ING1: variants seen among roughly 807,000 people sequenced by gnomAD.
ING1 encodes inhibitor of growth family member 1, also known as inhibitor of growth protein 1.
In ING1, 4 loss-of-function variants were observed where a neutral mutation model predicts 23.1. The ratio of observed to expected loss-of-function variants is 0.17; its 90% confidence interval spans 0.09 to 0.40. The LOEUF (loss-of-function observed/expected upper bound fraction) is 0.40. Among genes scored for constraint, ING1 ranks in the 10% least tolerant of loss-of-function variants. The pLI, the probability that ING1 is intolerant of heterozygous loss-of-function variation, is 1.00. For synonymous variants in ING1, 179 were observed against 166.4 expected (o/e 1.08, Z -0.58); for missense variants, 256 against 393.8 (o/e 0.65, Z 2.96).
At chr13:110,718,591 C>A (rs1285567944) in intron 1 of ING1, among the ~76,000 whole-genome samples, 2 of 152,066 alleles carry the variant, frequency 1.3e-5, no homozygotes, top group Non-Finnish European at 2.9e-5. Context: ...TAACCCGGTT[C>A]TTTAAATCAT....
rs2064162481 is a variant in ING1, at chr13:110,720,377, T to C, written c.*445T>C. 6.0e-6 allele frequency: 1 copy of C among 167,362 alleles called. No homozygotes were observed. The highest frequency in any genetic ancestry group is 2.4e-5 in the African/African-American group (1 of 41,470). The allele number at this position is 167,362 out of a possible 1,614,324, so 10.4% of individuals were successfully genotyped here. On this transcript the variant is annotated 3_prime_UTR_variant, in exon 2 of 2. Coordinates refer to ENST00000333219, the MANE Select transcript of ING1 (RefSeq NM_198219.3). Reference sequence around the variant, plus strand: ...GTGTTTCTTGCTGCCATGATGTATATCCATATAACAATTCAGTAACAAAGG... The same window carrying C: ...GTGTTTCTTGCTGCCATGATGTATACCCATATAACAATTCAGTAACAAAGG...
At chr13:110,714,422 G>C in intron 1 of ING1, 137 bp downstream of exon 1, 2 of 803,004 alleles carry the variant, frequency 2.5e-6, no homozygotes, top group Non-Finnish European at 3.4e-6. Flanking sequence ...GCAGGGGCAG[G>C]AACAAAAGGT....
At position 110,714,137 on chromosome 13, in the gene ING1, T is replaced by A; in HGVS notation, c.-13T>A. On this transcript the variant is annotated 5_prime_UTR_variant, in exon 1 of 2. Transcript: ENST00000333219. ...AAGCCGCGCCGAGTCGCCGGGGACC[T>A]CCGGGGTGAACCATGTTGAGTCCTG... 6.6e-7 allele frequency: 1 copy of A among 1,523,158 alleles called. No individual in the cohort carries two copies. The highest frequency in any genetic ancestry group is 8.8e-7 in the Non-Finnish European group (1 of 1,134,350). 94.4% of individuals were successfully genotyped at this position (1,523,158 alleles called of 1,614,324 possible).
At chr13:110,713,543 C>T (rs536248412), upstream of ING1, 6 of 986,104 alleles carry the variant, frequency 6.1e-6, no homozygotes, top group South Asian at 1.8e-4. Context: ...GCCACGCCCC[C>T]GCGAGGGCCG....
rs772194590 is a variant in ING1 at position 110,722,728 on chromosome 13, G to C, written c.*2796G>C. The C allele has an allele frequency of 6.6e-6, 1 of 152,130 alleles. No homozygotes were observed. The highest frequency in any genetic ancestry group is 1.5e-5 in the Non-Finnish European group (1 of 68,038). 9.4% of individuals were successfully genotyped at this position (152,130 alleles called of 1,614,324 possible). A position where few individuals can be genotyped will look rare whatever the true frequency, so the allele number is the denominator to read the frequency against. ...TTTCTTCAAGTTTCTCATAAGGACA[G>C]GTGGGTAGCCACTTATTCTTTAAAA... On this transcript the variant is annotated 3_prime_UTR_variant, in exon 2 of 2. Transcript: ENST00000333219.
At chr13:110,718,249 G>A (rs941810124) in intron 1 of ING1, among the ~76,000 whole-genome samples, 6 of 152,146 alleles carry the variant, frequency 3.9e-5, no homozygotes, top group Non-Finnish European at 5.9e-5. Context: ...TGCATTCACT[G>A]CAGTTAAAAA....
rs1445841145 is a variant in ING1 at position 110,719,776 on chromosome 13, C to T, written c.684C>T (p.Asn228=). 6.2e-7 allele frequency: 1 copy of T among 1,614,002 alleles called. No individual in the cohort carries two copies. Among genetic ancestry groups the T allele is most frequent in the Non-Finnish European group, 8.5e-7 (1 of 1,180,002 alleles). ...ATGGGGAGATGATCGGCTGCGACAA[C>T]GACGAGTGCCCCATCGAGTGGTTCC... ...VSYGEMIGCD[N]DECPIEWFHF... is the part of the protein sequence containing the mutation. Residue 228 remains asparagine (N), a synonymous_variant, in exon 2 of 2, where the codon AAC becomes AAT. Coordinates refer to ENST00000333219, the MANE Select transcript of ING1 (RefSeq NM_198219.3). The surrounding 1 kb of genome is among the most constrained non-coding windows in gnomAD (Gnocchi z 8.9).
At chr13:110,716,130 CA>C in intron 1 of ING1, 4 of 1,072,002 alleles carry the variant, frequency 3.7e-6, no homozygotes, top group Non-Finnish European at 5.0e-6. Context: ...GGAAGGAAGG[CA>C]GGGGCTGAGA....
upstream of ING1, chr13:110,713,403 G>A (rs1028393971): frequency 4.2e-5 from 43 of 1,022,034 alleles, no homozygotes; most frequent in Non-Finnish European, 4.9e-5. Flanking sequence ...GTGCTGTGCC[G>A]CCCAACAGGC....
chr13:110,719,904 C>T lies in ING1; in HGVS notation c.812C>T (p.Ser271Phe), dbSNP rs777936457. Reference sequence around the variant, plus strand: ...ACCATGGACAAAGCCCTGGAGAAATCCAAAAAAGAGAGGGCTTACAACAGG... The same window carrying T: ...ACCATGGACAAAGCCCTGGAGAAATTCAAAAAAGAGAGGGCTTACAACAGG... ...EKTMDKALEK[S>F]KKERAYNR The change falls in exon 2 of 2, where the codon TCC becomes TTC. Residue 271 changes from serine to phenylalanine, a missense_variant. Ser to Phe is a radical substitution (Grantham distance 155). Transcript: ENST00000333219. This position sits in a 1 kb window ranked among gnomAD's most constrained non-coding sequence, Gnocchi z 8.9. The T allele has an allele frequency of 6.3e-7, 1 of 1,599,610 alleles. No individual in the cohort carries two copies. The highest frequency in any genetic ancestry group is 2.2e-5 in the East Asian group (1 of 44,790).
Position 110,721,795 on chromosome 13 carries a change from C to G in ING1, c.*1863C>G, listed in dbSNP as rs1386599680. 1 of 151,974 alleles carries G rather than the reference C, an allele frequency of 6.6e-6. No individual in the cohort carries two copies. Among genetic ancestry groups the G allele is most frequent in the South Asian group, 2.1e-4 (1 of 4,810 alleles). The allele number at this position is 151,974 out of a possible 1,614,324, so 9.4% of individuals were successfully genotyped here. Reference sequence around the variant, plus strand: ...TTCACCATGTTGGCCAGTATGGTCTCGAGCTCTTGACCATGATCCGCCCAC... The same window carrying G: ...TTCACCATGTTGGCCAGTATGGTCTGGAGCTCTTGACCATGATCCGCCCAC... On this transcript the variant is annotated 3_prime_UTR_variant, in exon 2 of 2. Coordinates refer to ENST00000333219, the MANE Select transcript of ING1 (RefSeq NM_198219.3).
In ING1 at chr13:110,714,012, C is replaced by T. The variant is rs1446402478; in HGVS notation, c.-138C>T. The T allele has an allele frequency of 4.2e-6, 5 of 1,181,900 alleles. No homozygotes were observed. The highest frequency in any genetic ancestry group is 3.5e-5 in the South Asian group (1 of 28,684). 73.2% of individuals were successfully genotyped at this position (1,181,900 alleles called of 1,614,324 possible). On this transcript the variant is annotated 5_prime_UTR_variant, in exon 1 of 2. Coordinates refer to ENST00000333219, the MANE Select transcript of ING1 (RefSeq NM_198219.3). The stretch of plus-strand genomic sequence containing the variant: ...CGGACGGGCTCGGCAGATGTAGCCG[C>T]CGGGCCGAAGCAGGAGCCGGCGGGG...
In ING1 at chr13:110,714,289, C is replaced by CG. The variant is rs1276209605; in HGVS notation, c.136+6dup. The CG allele has an allele frequency of 6.4e-7, 1 of 1,550,992 alleles. No individual in the cohort carries two copies. The highest frequency in any genetic ancestry group is 8.7e-7 in the Non-Finnish European group (1 of 1,149,572). On this transcript the variant is annotated splice_donor_region_variant and intron_variant, in intron 1 of 1. Transcript: ENST00000333219. Reference sequence around the variant, plus strand: ...GAGATCGACGCGAAATACCAAGGTACGGCCGGGTGATGGATGGGCGGGGGC... The same window carrying CG: ...GAGATCGACGCGAAATACCAAGGTACGGGCCGGGTGATGGATGGGCGGGGGC...
At chr13:110,715,137 C>T (rs566329776) in intron 1 of ING1, 232 of 1,129,778 alleles carry the variant, frequency 2.1e-4, no homozygotes, top group Non-Finnish European at 2.2e-4. Context: ...AGTTCGTGTC[C>T]GCCGGGAATT....
chr13:110,720,079 A>AT lies in ING1; in HGVS notation c.*149dup, dbSNP rs1171414174. Reference sequence around the variant, plus strand: ...CATTCCTTTCATAGGGATGGCAGTGATTCTGTTTGCCTTTTGTTTTCATTG... The same window carrying AT: ...CATTCCTTTCATAGGGATGGCAGTGATTTCTGTTTGCCTTTTGTTTTCATTG... On this transcript the variant is annotated 3_prime_UTR_variant, in exon 2 of 2. Coordinates refer to ENST00000333219, the MANE Select transcript of ING1 (RefSeq NM_198219.3). 1.9e-5 allele frequency: 12 copies of AT among 627,020 alleles called. No individual in the cohort carries two copies. The highest frequency in any genetic ancestry group is 3.2e-5 in the Non-Finnish European group (12 of 377,836). The allele number at this position is 627,020 out of a possible 1,614,324, so 38.8% of individuals were successfully genotyped here. A position where few individuals can be genotyped will look rare whatever the true frequency, so the allele number is the denominator to read the frequency against.
At chr13:110,713,099 G>T, upstream of ING1, 1 of 1,439,426 alleles carries the variant, frequency 6.9e-7, no homozygotes, top group Non-Finnish European at 9.1e-7. Context: ...CGGAGGACTT[G>T]GGTTTCTAGT....
chr13:110,713,495 C>T (rs964374519), upstream of ING1: 4 of 987,228 alleles, frequency 4.1e-6, no homozygotes, highest in Middle Eastern at 1.0e-3. Flanking sequence ...ACGCTGTCCC[C>T]TCCGCGACCC....
rs1473802944 is a variant in ING1, at chr13:110,714,254, G to A, written c.105G>A (p.Ser35=). ...SLPFDLQRNV[S]LMREIDAKYQ... ...CTTTCGACTTGCAGAGAAATGTCTC[G>A]CTGATGCGGGAGATCGACGCGAAAT... is the stretch of plus-strand genomic sequence containing the variant. Residue 35 remains serine, a synonymous_variant, in exon 1 of 2, where the codon TCG becomes TCA. Transcript: ENST00000333219. The A allele has an allele frequency of 1.9e-6, 3 of 1,575,534 alleles. No individual in the cohort carries two copies. The highest frequency in any genetic ancestry group is 1.7e-6 in the Non-Finnish European group (2 of 1,162,788).
rs1566382765 is a variant in ING1 at position 110,719,660 on chromosome 13, T to G, written c.568T>G (p.Ser190Ala). The G allele has an allele frequency of 1.2e-6, 2 of 1,611,546 alleles. No homozygotes were observed. Among genetic ancestry groups the G allele is most frequent in the Middle Eastern group, 1.7e-4 (1 of 6,056 alleles). ...CAAGACCTCCAAGAAGAAGAAGCGC[T>G]CCAAGGCCAAGGCGGAGCGAGAGGC... Reference protein sequence around the residue: ...KAKTSKKKKRSKAKAEREASP... With the variant: ...KAKTSKKKKRAKAKAEREASP... The change falls in exon 2 of 2, where the codon TCC (serine) becomes GCC (alanine). Residue 190 changes from serine to alanine, a missense_variant. Coordinates refer to ENST00000333219, the MANE Select transcript of ING1 (RefSeq NM_198219.3). This position sits in a 1 kb window ranked among gnomAD's most constrained non-coding sequence, Gnocchi z 8.9.
Sources: allele counts gnomAD v4.1 joint callset (sites outside exome capture counted in the v4.1 genomes callset), GRCh38; gene constraint gnomAD v4.1.1; non-coding constraint Gnocchi (gnomAD v3.1); transcripts MANE v1.5; gene names NCBI Gene and HGNC (gene_info 2026-07-23, HGNC 2026-07-21).